Variants in CRYBG3 observed in about 807,000 individuals in gnomAD.
CRYBG3 encodes the protein crystallin beta-gamma domain containing 3.
CRYBG3 carries 127 observed loss-of-function variants against 244.2 expected under a neutral mutation model. That is an observed-to-expected ratio of 0.52 (90% CI 0.45 to 0.60). The LOEUF (loss-of-function observed/expected upper bound fraction) is 0.60, where lower values mean the gene tolerates loss of function less well. CRYBG3 is among the 20% of genes least tolerant of loss of function. The probability of loss-of-function intolerance (pLI) is 0.00; values close to 1 mark genes in which losing one functional copy is unlikely to be tolerated. For missense variants in CRYBG3, 3,325 were observed against 3,442.5 expected, an observed-to-expected ratio of 0.97 and a Z score of 0.85; for synonymous variants, 1,132 against 1,195.8, an observed-to-expected ratio of 0.95 and a Z score of 1.10.
chr3:97,893,657 C>T (rs1484067407), intron 11 of CRYBG3, among the ~76,000 whole-genome samples: 1 of 152,198 alleles, frequency 6.6e-6, no homozygotes, highest in Non-Finnish European at 1.5e-5. Context: ...CATTGTCAAC[C>T]CAATGCTGGA....
At chr3:97,842,326 G>C (rs2038831535) in intron 1 of CRYBG3, among the ~76,000 whole-genome samples, 1 of 152,108 alleles carries the variant, frequency 6.6e-6, no homozygotes, top group African/African-American at 2.4e-5. Flanking sequence ...ACTTTGAAAG[G>C]CCAAGTTTAG....
At chr3:97,919,316 AAATTT>A (rs2039959626) in intron 17 of CRYBG3, among the ~76,000 whole-genome samples, 1 of 152,232 alleles carries the variant, frequency 6.6e-6, no homozygotes, top group Admixed American at 6.5e-5. Flanking sequence ...TAATATAGGG[AAATTT>A]AATTTAATCA....
intron 1 of CRYBG3, among the ~76,000 whole-genome samples, chr3:97,842,379 A>C (rs963791569): frequency 6.6e-6 from 1 of 152,088 alleles, no homozygotes; most frequent in Non-Finnish European, 1.5e-5. Flanking sequence ...CCTGGGCAAC[A>C]TAGTTGAGAC....
At chr3:97,836,215 T>C (rs1157290234) in intron 1 of CRYBG3, among the ~76,000 whole-genome samples, 1 of 152,108 alleles carries the variant, frequency 6.6e-6, no homozygotes. Flanking sequence ...CATGCCTACC[T>C]TTCCTCTCTC....
At chr3:97,837,618 A>T (rs1371470106) in intron 1 of CRYBG3, among the ~76,000 whole-genome samples, 1 of 152,132 alleles carries the variant, frequency 6.6e-6, no homozygotes, top group Non-Finnish European at 1.5e-5. Context: ...CTGGAAGTGG[A>T]GAAATGTCCC....
Position 97,877,699 on chromosome 3 carries a change from G to GA in CRYBG3, c.6506dup (p.Arg2170AlafsTer16), listed in dbSNP as rs1212111445. On this transcript the variant is annotated frameshift_variant, in exon 4 of 22. Coordinates refer to ENST00000389622, the MANE Select transcript of CRYBG3 (RefSeq NM_153605.4). LOFTEE classifies it high-confidence loss of function. The stretch of plus-strand genomic sequence containing the variant: ...AGGAGATCTGAGAGCTGGAAGTGGG[G>GA]AGCGTGTTACCTTCCAGTTGCCAGA... 6.2e-7 allele frequency: 1 copy of GA among 1,614,044 alleles called. No individual in the cohort carries two copies. The highest frequency in any genetic ancestry group is 1.3e-5 in the African/African-American group (1 of 75,040).
chr3:97,842,416 C>G (rs751327110), intron 1 of CRYBG3, among the ~76,000 whole-genome samples: 33 of 151,944 alleles, frequency 2.2e-4, no homozygotes, highest in Admixed American at 6.6e-4. Flanking sequence ...AATGAAATAA[C>G]TGGGCATGGT....
At chr3:97,823,976 A>G (rs901557859) in intron 1 of CRYBG3, among the ~76,000 whole-genome samples, 1 of 152,164 alleles carries the variant, frequency 6.6e-6, no homozygotes, top group Non-Finnish European at 1.5e-5. Context: ...TCATCTCCAG[A>G]TTGGCACAAA....
Position 97,877,689 on chromosome 3 carries a change from T to TGGAA in CRYBG3, c.6497_6500dup (p.Ser2167ArgfsTer20). The TGGAA allele has an allele frequency of 1.2e-6, 2 of 1,614,104 alleles. No individual in the cohort carries two copies. Among genetic ancestry groups the TGGAA allele is most frequent in the Non-Finnish European group, 1.7e-6 (2 of 1,179,998 alleles). ...TATTGCATAAAGGAGATCTGAGAGC[T>TGGAA]GGAAGTGGGGAGCGTGTTACCTTCC... On this transcript the variant is annotated frameshift_variant, in exon 4 of 22. Coordinates refer to ENST00000389622, the MANE Select transcript of CRYBG3 (RefSeq NM_153605.4). LOFTEE classifies it high-confidence loss of function.
chr3:97,898,829 G>A (rs1327987238), intron 12 of CRYBG3, 54 bp from the exon 13 acceptor site: 2 of 1,299,100 alleles, frequency 1.5e-6, no homozygotes, highest in Non-Finnish European at 1.1e-6. Flanking sequence ...GATAATAGCA[G>A]TCCATAAAAC....
chr3:97,856,251 G>A (rs1388738149), intron 2 of CRYBG3, among the ~76,000 whole-genome samples: 3 of 152,182 alleles, frequency 2.0e-5, no homozygotes, highest in Non-Finnish European at 4.4e-5. Flanking sequence ...AGCGGTCAGA[G>A]TTTAAGTTTA....
At chr3:97,896,543 A>AG (rs1448790209) in intron 12 of CRYBG3, among the ~76,000 whole-genome samples, 2 of 152,224 alleles carry the variant, frequency 1.3e-5, no homozygotes, top group African/African-American at 4.8e-5. Flanking sequence ...TTCAAAAAAG[A>AG]GTTAACCAAG....
intron 17 of CRYBG3, among the ~76,000 whole-genome samples, chr3:97,925,300 T>C (rs2040027511): frequency 6.6e-6 from 1 of 152,072 alleles, no homozygotes; most frequent in East Asian, 1.9e-4. Context: ...AAAACAATTA[T>C]AAATAACATT....
chr3:97,894,131 C>A (rs949528243), intron 11 of CRYBG3, among the ~76,000 whole-genome samples: 1 of 152,044 alleles, frequency 6.6e-6, no homozygotes, highest in Non-Finnish European at 1.5e-5. Flanking sequence ...TTCTTGATAA[C>A]CCTGCTGTAA....
chr3:97,861,492 AAG>A (rs1353263146), intron 2 of CRYBG3, among the ~76,000 whole-genome samples: 2 of 152,180 alleles, frequency 1.3e-5, no homozygotes, highest in East Asian at 1.9e-4. Context: ...CAACATAGCA[AAG>A]AGAGTAGATA....
chr3:97,900,266 T>C (rs912608478), intron 14 of CRYBG3, among the ~76,000 whole-genome samples, 187 bp from the exon 15 acceptor site: 5 of 152,122 alleles, frequency 3.3e-5, no homozygotes, highest in African/African-American at 1.2e-4. Context: ...GAGGATCGCT[T>C]GAGCCCTGAA....
chr3:97,907,393 G>A (rs2039790236), intron 15 of CRYBG3, among the ~76,000 whole-genome samples: 1 of 151,822 alleles, frequency 6.6e-6, no homozygotes, highest in Non-Finnish European at 1.5e-5. Flanking sequence ...TTTTTGGTTG[G>A]TAATCTATTG....
At position 97,915,514 on chromosome 3, in the gene CRYBG3, A is replaced by G. The variant is rs190220264; in HGVS notation, c.8115-96A>G. On this transcript the variant is annotated intron_variant, in intron 16 of 21. Transcript: ENST00000389622. Reference sequence around the variant, plus strand: ...GTGGTGGTGCTCTGCACCACTTTCTATGCCCTACCCCTACCCCAATTCCCA... The same window carrying G: ...GTGGTGGTGCTCTGCACCACTTTCTGTGCCCTACCCCTACCCCAATTCCCA... 32 of 1,318,772 alleles carry G rather than the reference A, an allele frequency of 2.4e-5. No individual in the cohort carries two copies. The East Asian group carries it at 7.4e-4, about 31-fold the overall frequency. 81.7% of individuals were successfully genotyped at this position (1,318,772 alleles called of 1,614,324 possible).
Position 97,915,747 on chromosome 3 carries a change from T to G in CRYBG3, c.8241+11T>G. ...AAGCCCATTGACTATGTAAGTACTT[T>G]GCAAAATGCATACTTATAAGATTCT... On this transcript the variant is annotated intron_variant, in intron 17 of 21. Coordinates refer to ENST00000389622, the MANE Select transcript of CRYBG3 (RefSeq NM_153605.4). 6.3e-7 allele frequency: 1 copy of G among 1,591,068 alleles called. No homozygotes were observed. Among genetic ancestry groups the G allele is most frequent in the Non-Finnish European group, 8.6e-7 (1 of 1,164,510 alleles).
Sources: allele counts gnomAD v4.1 joint callset (sites outside exome capture counted in the v4.1 genomes callset), GRCh38; gene constraint gnomAD v4.1.1; transcripts MANE v1.5; gene names NCBI Gene and HGNC (gene_info 2026-07-23, HGNC 2026-07-21).